The following ZBTB43 variants were observed in gnomAD, a reference collection of about 807,000 sequenced individuals.
The protein encoded by ZBTB43 is zinc finger and BTB domain-containing protein 43.
In ZBTB43, 6 loss-of-function variants were observed where a neutral mutation model predicts 31.1. The observed-to-expected ratio is 0.19, with a 90% confidence interval of 0.11 to 0.38. ZBTB43 has a LOEUF of 0.38. Among genes scored for constraint, ZBTB43 ranks in the 10% least tolerant of loss-of-function variants. The pLI, the probability that ZBTB43 is intolerant of heterozygous loss-of-function variation, is 1.00. For missense variants in ZBTB43, 379 were observed against 602.1 expected, an observed-to-expected ratio of 0.63 and a Z score of 3.88; for synonymous variants, 212 against 221.7, an observed-to-expected ratio of 0.96 and a Z score of 0.39.
chr9:126,823,136 T>C (rs1338313828), intron 2 of ZBTB43, among the ~76,000 whole-genome samples: 1 of 152,218 alleles, frequency 6.6e-6, no homozygotes, highest in East Asian at 1.9e-4. Flanking sequence ...GTTTATAATG[T>C]TGTTCAAGTC....
chr9:126,813,281 C>T (rs2032290444), intron 2 of ZBTB43, among the ~76,000 whole-genome samples: 1 of 151,978 alleles, frequency 6.6e-6, no homozygotes, highest in Non-Finnish European at 1.5e-5. Flanking sequence ...TGCCTGGCCC[C>T]ACTGTTACTT....
rs573779320 is a variant in ZBTB43 at position 126,832,643 on chromosome 9, G to A, written c.134G>A (p.Arg45Gln). 1.2e-5 allele frequency: 20 copies of A among 1,614,020 alleles called. No homozygotes were observed. In the East Asian group the frequency reaches 2.5e-4, roughly 20 times the overall value. Reference protein sequence around the residue: ...VSIVVQGHIFRAHKAVLAASS... With the variant: ...VSIVVQGHIFQAHKAVLAASS... Reference sequence around the variant, plus strand: ...ATTGTTGTCCAAGGCCACATTTTCCGGGCACACAAAGCCGTTCTTGCTGCC... The same window carrying A: ...ATTGTTGTCCAAGGCCACATTTTCCAGGCACACAAAGCCGTTCTTGCTGCC... Residue 45 changes from arginine to glutamine, a missense_variant, in exon 3 of 3, where the codon CGG becomes CAG. Physicochemically the swap from Arg to Gln is conservative, Grantham distance 43. This residue lies in a region of ZBTB43 where 79 missense variants were observed against 134.4 expected (regional missense o/e 0.59). Coordinates refer to ENST00000373464, the MANE Select transcript of ZBTB43 (RefSeq NM_014007.4).
chr9:126,810,753 T>C (rs1292735889), intron 2 of ZBTB43, among the ~76,000 whole-genome samples: 2 of 151,430 alleles, frequency 1.3e-5, no homozygotes, highest in African/African-American at 2.4e-5. Flanking sequence ...TCCGCCCGCC[T>C]CGGCCTCCCA....
intron 1 of ZBTB43, among the ~76,000 whole-genome samples, chr9:126,808,359 T>C (rs2032172575): frequency 6.6e-6 from 1 of 152,182 alleles, no homozygotes; most frequent in African/African-American, 2.4e-5. Flanking sequence ...AAAAAACATC[T>C]TAAAATAGTT....
upstream of ZBTB43, chr9:126,804,928 G>A (rs1029690208): frequency 1.3e-5 from 2 of 152,464 alleles, no homozygotes; most frequent in Non-Finnish European, 2.9e-5. Flanking sequence ...GCCCAGCTCA[G>A]ACGGTAAGTC....
chr9:126,828,651 A>T (rs12554614), intron 2 of ZBTB43, among the ~76,000 whole-genome samples: 23,422 of 124,890 alleles, frequency 0.19, 2,432 homozygotes, highest in African/African-American at 0.32. Context: ...TAATAATAAT[A>T]ATAATTATTA....
chr9:126,818,042 A>G (rs1173545588), intron 2 of ZBTB43, among the ~76,000 whole-genome samples: 1 of 151,546 alleles, frequency 6.6e-6, no homozygotes, highest in Non-Finnish European at 1.5e-5. Context: ...ATGTCTTCCA[A>G]TCCATAAACA....
chr9:126,828,383 C>A (rs982359543), intron 2 of ZBTB43, among the ~76,000 whole-genome samples: 2 of 151,790 alleles, frequency 1.3e-5, no homozygotes, highest in Admixed American at 6.6e-5. Context: ...TGGGGTTTCA[C>A]CGTGTTAGCC....
chr9:126,826,454 C>CTT (rs35094731), intron 2 of ZBTB43, among the ~76,000 whole-genome samples: 16,066 of 53,424 alleles, frequency 0.3, 6,457 homozygotes, highest in East Asian at 0.53. Context: ...GCCCCCCCGC[C>CTT]TTTTTTTTTT....
At position 126,834,309 on chromosome 9, in the gene ZBTB43, A is replaced by G. The variant is rs1482501796; in HGVS notation, c.*396A>G. On this transcript the variant is annotated 3_prime_UTR_variant, in exon 3 of 3. Coordinates refer to ENST00000373464, the MANE Select transcript of ZBTB43 (RefSeq NM_014007.4). ...GCTGAAATTTTATTTTGCTCTTGCT[A>G]TAGATACTTAGGTAATGTGGATTTG... 1 of 176,624 alleles carries G rather than the reference A, an allele frequency of 5.7e-6. No homozygotes were observed. Among genetic ancestry groups the G allele is most frequent in the East Asian group, 1.8e-4 (1 of 5,606 alleles). 10.9% of individuals were successfully genotyped at this position (176,624 alleles called of 1,614,324 possible).
In ZBTB43 at chr9:126,832,990, G is replaced by T; in HGVS notation, c.481G>T (p.Gly161Cys). ...AGAGAGCTTTGAGCTGGGCTCTGGG[G>T]GTCATACTGATTTTCCCAAAGCCCA... is the stretch of plus-strand genomic sequence containing the variant. ...LVESFELGSG[G>C]HTDFPKAQEL... Residue 161 changes from glycine (G) to cysteine (C), a missense_variant, in exon 3 of 3, where the codon GGT becomes TGT. This residue lies in a region of ZBTB43 where 253 missense variants were observed against 322.3 expected (regional missense o/e 0.79). Transcript: ENST00000373464. 1.9e-6 allele frequency: 3 copies of T among 1,613,736 alleles called. No homozygotes were observed. Among genetic ancestry groups the T allele is most frequent in the Non-Finnish European group, 2.5e-6 (3 of 1,180,002 alleles).
At chr9:126,820,241 G>T (rs1240735173) in intron 2 of ZBTB43, among the ~76,000 whole-genome samples, 1 of 152,198 alleles carries the variant, frequency 6.6e-6, no homozygotes, top group African/African-American at 2.4e-5. Context: ...TGCTATCTAT[G>T]ACTTCCATAG....
At chr9:126,816,897 C>T (rs1415959828) in intron 2 of ZBTB43, among the ~76,000 whole-genome samples, 4 of 152,098 alleles carry the variant, frequency 2.6e-5, no homozygotes, top group Non-Finnish European at 4.4e-5. Flanking sequence ...TTTTTTCCTT[C>T]TGCCAAGGTA....
intron 2 of ZBTB43, among the ~76,000 whole-genome samples, chr9:126,830,000 CTT>C (rs1422264584): frequency 1.3e-5 from 2 of 152,134 alleles, no homozygotes; most frequent in East Asian, 3.8e-4. Context: ...AAAACACAGT[CTT>C]TTAAAATTAT....
At chr9:126,806,962 AG>A (rs1452535009) in intron 1 of ZBTB43, among the ~76,000 whole-genome samples, 5 of 152,238 alleles carry the variant, frequency 3.3e-5, no homozygotes, top group Non-Finnish European at 5.9e-5. Flanking sequence ...TTTCACAGGA[AG>A]AAAACTCATA....
rs2032912751 is a variant in ZBTB43 at position 126,837,740 on chromosome 9, C to G, written c.*3827C>G. 6.0e-6 allele frequency: 1 copy of G among 166,692 alleles called. No homozygotes were observed. Among genetic ancestry groups the G allele is most frequent in the Admixed American group, 6.6e-5 (1 of 15,230 alleles). 10.3% of individuals were successfully genotyped at this position (166,692 alleles called of 1,614,324 possible). ...ACCAGGGTTTGTTTGGGGTTTTTTT[C>G]TTTGCTACTTACATATTTAAAGGTA... On this transcript the variant is annotated 3_prime_UTR_variant, in exon 3 of 3. Coordinates refer to ENST00000373464, the MANE Select transcript of ZBTB43 (RefSeq NM_014007.4).
rs567118507 is a variant in ZBTB43, at chr9:126,830,339, T to C, written c.-23-2148T>C. ...GTCTTTGTCTGGGTTGTCTGGCTCT[T>C]TTATATCATACTTAGAAAACTTGGG... On this transcript the variant is annotated intron_variant, in intron 2 of 2. Transcript: ENST00000373464. Among the ~76,000 whole-genome samples the C allele has an allele frequency of 8.6e-4, 131 of 152,326 alleles. 1 individual carries two copies. Among genetic ancestry groups the C allele is most frequent in the Middle Eastern group, 3.4e-3 (1 of 294 alleles).
At chr9:126,813,219 A>G (rs1197128386) in intron 2 of ZBTB43, among the ~76,000 whole-genome samples, 4 of 152,014 alleles carry the variant, frequency 2.6e-5, no homozygotes, top group Non-Finnish European at 5.9e-5. Flanking sequence ...ACTTCGAGTG[A>G]TCCACGTGCC....
At chr9:126,823,077 C>T (rs1164346530) in intron 2 of ZBTB43, among the ~76,000 whole-genome samples, 2 of 152,160 alleles carry the variant, frequency 1.3e-5, no homozygotes, top group East Asian at 1.9e-4. Flanking sequence ...ACTGAACCAA[C>T]AATATCTCTG....
Sources: gnomAD v4.1 joint callset for allele counts (sites outside exome capture counted in the v4.1 genomes callset) on GRCh38, gnomAD v4.1.1 for gene constraint, gnomAD v4.1.1 regional missense constraint, MANE v1.5 for transcripts, NCBI Gene and HGNC (gene_info 2026-07-23, HGNC 2026-07-21) for gene names.